The following ATM variants were observed in gnomAD, a reference collection of about 807,000 sequenced individuals.
The protein encoded by ATM is serine-protein kinase ATM.
Under a neutral mutation model 387.0 loss-of-function variants are expected in ATM, and 308 were observed. The observed-to-expected ratio is 0.80, with a 90% CI of 0.73 to 0.87. The LOEUF (loss-of-function observed/expected upper bound fraction) is 0.87, where lower values mean the gene tolerates loss of function less well. Among genes scored for constraint, ATM ranks in the 40% least tolerant of loss-of-function variants. ATM has a pLI of 0.00. For missense variants in ATM, 3,312 were observed against 3,560.9 expected (o/e 0.93, Z 1.78); for synonymous variants, 1,156 against 1,187.3 (o/e 0.97, Z 0.54).
At chr11:108,291,839 C>T (rs766698172) in intron 29 of ATM, among the ~76,000 whole-genome samples, 118 of 152,170 alleles carry the variant, frequency 7.8e-4, no homozygotes, top group Non-Finnish European at 1.5e-3. Context: ...TTAGGGTCTT[C>T]TCTGGTCTTT....
At chr11:108,336,182 A>G (rs1400517565) in intron 56 of ATM, 1 of 456,858 alleles carries the variant, frequency 2.2e-6, no homozygotes, top group East Asian at 4.3e-5. Flanking sequence ...ATGTGCTTGT[A>G]GTCCCTTAGC....
intron 5 of ATM, among the ~76,000 whole-genome samples, chr11:108,242,429 AG>A (rs767627682): frequency 2.0e-5 from 3 of 152,242 alleles, no homozygotes; most frequent in Non-Finnish European, 2.9e-5. Flanking sequence ...ATTATGTTGG[AG>A]GTTCTAGCCA....
At chr11:108,281,996 C>A (rs976561613) in intron 24 of ATM, among the ~76,000 whole-genome samples, 25 of 152,082 alleles carry the variant, frequency 1.6e-4, no homozygotes, top group African/African-American at 5.8e-4. Context: ...GACAGGGTCT[C>A]ACTCTGTCAC....
At chr11:108,342,559 G>A (rs1303934678) in intron 56 of ATM, among the ~76,000 whole-genome samples, 1 of 152,114 alleles carries the variant, frequency 6.6e-6, no homozygotes, top group Admixed American at 6.5e-5. Flanking sequence ...CTTAGGGTCA[G>A]TGAAGCACAC....
intron 3 of ATM, among the ~76,000 whole-genome samples, chr11:108,228,400 A>G (rs2078848954): frequency 6.6e-6 from 1 of 152,230 alleles, no homozygotes; most frequent in African/African-American, 2.4e-5. Flanking sequence ...ATGCATTTTT[A>G]CATTGAGACA....
At chr11:108,233,162 T>C (rs1011678858) in intron 4 of ATM, among the ~76,000 whole-genome samples, 2 of 152,062 alleles carry the variant, frequency 1.3e-5, no homozygotes, top group Non-Finnish European at 2.9e-5. Context: ...GTGCCCACCC[T>C]GTTCATTTCT....
rs376898203 is a variant in ATM, at chr11:108,317,429, T to A, written c.6255T>A (p.Asp2085Glu). 3 of 1,612,496 alleles carry A rather than the reference T, an allele frequency of 1.9e-6. No individual in the cohort carries two copies. The highest frequency in any genetic ancestry group is 2.5e-6 in the Non-Finnish European group (3 of 1,179,426). ...HILSVYLKGLDYENKDWCPEL... is the reference protein window; with the variant it reads ...HILSVYLKGLEYENKDWCPEL... ...TTTCCGTCTATTTAAAAGGATTGGA[T>A]TATGAAAATAAAGACTGGTGTCCTG... is the stretch of plus-strand genomic sequence containing the variant. Residue 2085 changes from aspartate to glutamate, a missense_variant, in exon 43 of 63, where the codon GAT becomes GAA. By Grantham distance (45) the Asp-to-Glu change is conservative. This residue lies in a region of ATM where 1,405 missense variants were observed against 1,604.4 expected (regional missense o/e 0.88). Transcript: ENST00000675843.
chr11:108,270,263 C>T (rs4987977), intron 18 of ATM, among the ~76,000 whole-genome samples: 1 of 152,162 alleles, frequency 6.6e-6, no homozygotes, highest in East Asian at 1.9e-4. Flanking sequence ...TGACTTCTTC[C>T]CTGCCCATGA....
intron 42 of ATM, 57 bp from the exon 43 acceptor site, chr11:108,317,316 G>A (rs2136158966): frequency 6.4e-7 from 1 of 1,550,558 alleles, no homozygotes; most frequent in Non-Finnish European, 8.8e-7. Context: ...TTTTTTCTCT[G>A]GTTTTCTGTT....
intron 22 of ATM, 115 bp downstream of exon 22, chr11:108,272,967 A>G (rs2081681838): frequency 3.1e-6 from 4 of 1,295,042 alleles, no homozygotes; most frequent in Admixed American, 3.4e-5. Flanking sequence ...TGTTGAGTAT[A>G]TACGGTGTGC....
intron 59 of ATM, among the ~76,000 whole-genome samples, chr11:108,351,299 T>C (rs946411126): frequency 3.9e-5 from 6 of 152,226 alleles, no homozygotes; most frequent in Non-Finnish European, 8.8e-5. Context: ...GGAATGCTGG[T>C]AGAGTTCTGT....
Position 108,365,960 on chromosome 11 carries a change from T to C in ATM, c.*452T>C. On this transcript the variant is annotated 3_prime_UTR_variant, in exon 63 of 63. Transcript: ENST00000675843. ...AGGAGAATCTCTTGAACCTGGGAGG[T>C]GAAGGTTGCTGTGGGCCAAAATCAT... The C allele has an allele frequency of 6.0e-6, 1 of 166,400 alleles. No individual in the cohort carries two copies. Among genetic ancestry groups the C allele is most frequent in the Non-Finnish European group, 1.3e-5 (1 of 79,986 alleles). The allele number at this position is 166,400 out of a possible 1,614,324, so 10.3% of individuals were successfully genotyped here.
intron 56 of ATM, among the ~76,000 whole-genome samples, chr11:108,336,838 C>A (rs2086910509): frequency 6.6e-6 from 1 of 152,130 alleles, no homozygotes; most frequent in Non-Finnish European, 1.5e-5. Context: ...TCATCTTTGA[C>A]TCTTATATTA....
chr11:108,356,219 ATATT>A, intron 61 of ATM: 1 of 152,244 alleles, frequency 6.6e-6, no homozygotes, highest in South Asian at 2.1e-4. Context: ...CTCTAAAGTT[ATATT>A]ATCTTGCACT....
chr11:108,245,697 A>G (rs978513242), intron 7 of ATM, among the ~76,000 whole-genome samples: 6 of 151,978 alleles, frequency 3.9e-5, no homozygotes, highest in Admixed American at 1.3e-4. Context: ...TGCTCTGTCT[A>G]TGATTGCCTT....
At chr11:108,317,622 T>C in intron 43 of ATM, 101 bp downstream of exon 43, 1 of 37,146 alleles carries the variant, frequency 2.7e-5, no homozygotes. Context: ...GTTTTATATA[T>C]ATATATATAT....
At position 108,248,987 on chromosome 11, in the gene ATM, C is replaced by G. The variant is rs1185204988; in HGVS notation, c.1120C>G (p.Gln374Glu). The G allele has an allele frequency of 1.2e-6, 2 of 1,612,618 alleles. No individual in the cohort carries two copies. Among genetic ancestry groups the G allele is most frequent in the South Asian group, 2.2e-5 (2 of 91,046 alleles). Reference sequence around the variant, plus strand: ...GATTTCTCAATCTTACACTACTACACAAAGAGAATCTAGTGATTACAGTGT... The same window carrying G: ...GATTTCTCAATCTTACACTACTACAGAAAGAGAATCTAGTGATTACAGTGT... ...LEISQSYTTTQRESSDYSVPC... is the reference protein window; with the variant it reads ...LEISQSYTTTERESSDYSVPC... Residue 374 changes from glutamine to glutamate, a missense_variant, in exon 9 of 63, where the codon CAA (glutamine) becomes GAA (glutamate). Physicochemically the swap from Gln to Glu is conservative, Grantham distance 29. This residue lies in a region of ATM where 1,791 missense variants were observed against 1,804.5 expected (regional missense o/e 0.99). Transcript: ENST00000675843.
In ATM at chr11:108,227,590, TACAG is replaced by T; in HGVS notation, c.-30_-27del. ...TATATATACCTATATGTATTTTTTT[TACAG>T]ACAGTGATGTGTGTTCTGAAATTGT... On this transcript the variant is annotated splice_acceptor_variant and splice_polypyrimidine_tract_variant and intron_variant, in intron 1 of 62. Transcript: ENST00000675843. LOFTEE classifies it low-confidence loss of function (5UTR_SPLICE). 1.9e-6 allele frequency: 3 copies of T among 1,581,342 alleles called. No homozygotes were observed. The highest frequency in any genetic ancestry group is 1.1e-5 in the South Asian group (1 of 90,356).
At chr11:108,236,991 A>C (rs1007618624) in intron 5 of ATM, among the ~76,000 whole-genome samples, 1 of 151,984 alleles carries the variant, frequency 6.6e-6, no homozygotes. Flanking sequence ...TTTTTCATGG[A>C]AAGTATTTAA....
Sources: allele counts gnomAD v4.1 joint callset (sites outside exome capture counted in the v4.1 genomes callset), GRCh38; gene constraint gnomAD v4.1.1; regional missense constraint gnomAD v4.1.1; transcripts MANE v1.5; gene names NCBI Gene and HGNC (gene_info 2026-07-23, HGNC 2026-07-21).